Variants in EYA4 observed in about 807,000 individuals in gnomAD.
The protein encoded by EYA4 is EYA transcriptional coactivator and phosphatase 4, also known as protein phosphatase EYA4.
EYA4 carries 31 observed loss-of-function variants against 87.9 expected under a neutral mutation model. The ratio of observed to expected loss-of-function variants is 0.35; its 90% CI spans 0.27 to 0.48. EYA4 has a LOEUF of 0.48. EYA4 is among the 20% of genes least tolerant of loss of function. The pLI, the probability that EYA4 is intolerant of heterozygous loss-of-function variation, is 0.99. For synonymous variants in EYA4, 263 were observed against 270.6 expected, an observed-to-expected ratio of 0.97 and a Z score of 0.28; for missense variants, 678 against 761.4, an observed-to-expected ratio of 0.89 and a Z score of 1.29.
chr6:133,332,898 G>C (rs927941701), intron 2 of EYA4, among the ~76,000 whole-genome samples: 4 of 151,890 alleles, frequency 2.6e-5, no homozygotes, highest in Admixed American at 2.6e-4. Context: ...AGTCAGTTCA[G>C]TTTCTGCTGC....
At chr6:133,469,107 C>G (rs1284118366) in intron 11 of EYA4, among the ~76,000 whole-genome samples, 1 of 152,010 alleles carries the variant, frequency 6.6e-6, no homozygotes, top group African/African-American at 2.4e-5. Context: ...GTCAGTAGCT[C>G]TAGCCCGTGA....
At chr6:133,343,575 C>A (rs1241812346) in intron 2 of EYA4, among the ~76,000 whole-genome samples, 11 of 145,566 alleles carry the variant, frequency 7.6e-5, no homozygotes, top group Middle Eastern at 3.5e-3. Flanking sequence ...CCACCCCCCC[C>A]ACCCACCCCA....
chr6:133,383,825 T>G (rs2128483214), intron 3 of EYA4, among the ~76,000 whole-genome samples: 1 of 152,294 alleles, frequency 6.6e-6, no homozygotes, highest in South Asian at 2.1e-4. Context: ...AGGAAATGGA[T>G]GAACCACTAA....
chr6:133,398,222 A>G (rs2128508618), intron 3 of EYA4, among the ~76,000 whole-genome samples: 1 of 152,330 alleles, frequency 6.6e-6, no homozygotes, highest in Non-Finnish European at 1.5e-5. Flanking sequence ...CCTGGGAATG[A>G]CCAAACTGGT....
At chr6:133,297,323 G>T (rs1779018219) in intron 2 of EYA4, among the ~76,000 whole-genome samples, 1 of 152,266 alleles carries the variant, frequency 6.6e-6, no homozygotes, top group Non-Finnish European at 1.5e-5. Flanking sequence ...TTTAGGACTT[G>T]TTTGGCTTCA....
chr6:133,428,135 A>T (rs1790837572), intron 3 of EYA4, among the ~76,000 whole-genome samples: 1 of 152,202 alleles, frequency 6.6e-6, no homozygotes, highest in African/African-American at 2.4e-5. Flanking sequence ...GGTTGTGGAC[A>T]TATGAAGTTA....
chr6:133,470,043 C>T (rs1282603075), intron 11 of EYA4, among the ~76,000 whole-genome samples: 1 of 150,510 alleles, frequency 6.6e-6, no homozygotes, highest in Admixed American at 6.7e-5. Flanking sequence ...TGTAGGTTGC[C>T]TGTTCACTCT....
Position 133,523,114 on chromosome 6 carries a change from G to T in EYA4, c.1675G>T (p.Val559Phe). ...TTQLIPALAK[V>F]LLYSLGGAFP... ...TCAACTGATCCCAGCACTTGCGAAG[G>T]TTCTACTCTATAGTTTAGGAGGTGC... Residue 559 changes from valine (V) to phenylalanine (F), a missense_variant, in exon 18 of 20, where the codon GTT becomes TTT. Coordinates refer to ENST00000355286, the MANE Select transcript of EYA4 (RefSeq NM_004100.5). 1 of 1,612,252 alleles carries T rather than the reference G, an allele frequency of 6.2e-7. No homozygotes were observed. Among genetic ancestry groups the T allele is most frequent in the Non-Finnish European group, 8.5e-7 (1 of 1,178,558 alleles).
At chr6:133,412,174 A>G (rs991212940) in intron 3 of EYA4, among the ~76,000 whole-genome samples, 1 of 152,248 alleles carries the variant, frequency 6.6e-6, no homozygotes, top group Non-Finnish European at 1.5e-5. Context: ...ACCAGTTTAG[A>G]CAAAGATAAT....
chr6:133,336,015 CATGAATCCAAAATGAT>C (rs1052646037), intron 2 of EYA4, among the ~76,000 whole-genome samples: 1 of 152,056 alleles, frequency 6.6e-6, no homozygotes, highest in African/African-American at 2.4e-5. Flanking sequence ...AATTAAAATT[CATGAATCCAAAATGAT>C]GCTTGAGGAT....
intron 11 of EYA4, among the ~76,000 whole-genome samples, chr6:133,470,021 T>A (rs979614898): frequency 6.6e-6 from 1 of 151,024 alleles, no homozygotes; most frequent in East Asian, 2.0e-4. Flanking sequence ...TTGCAAAAAT[T>A]TTCTCCCATG....
chr6:133,419,902 C>T (rs765427280), intron 3 of EYA4, among the ~76,000 whole-genome samples: 76 of 152,250 alleles, frequency 5.0e-4, no homozygotes, highest in Non-Finnish European at 9.0e-4. Flanking sequence ...ATGAATAAGA[C>T]GCCCCACATT....
intron 2 of EYA4, among the ~76,000 whole-genome samples, chr6:133,330,047 G>A (rs745669761): frequency 6.6e-6 from 1 of 151,918 alleles, no homozygotes; most frequent in Non-Finnish European, 1.5e-5. Context: ...CAGGAGAGCA[G>A]GAGAGAAAAA....
intron 2 of EYA4, among the ~76,000 whole-genome samples, chr6:133,283,570 A>G (rs1371362752): frequency 1.3e-5 from 2 of 152,158 alleles, no homozygotes; most frequent in East Asian, 3.9e-4. Flanking sequence ...TCTGAAGAAG[A>G]GTACACTGAA....
intron 5 of EYA4, 56 bp from the exon 6 acceptor site, chr6:133,456,500 G>A: frequency 8.4e-7 from 1 of 1,187,990 alleles, no homozygotes; most frequent in Non-Finnish European, 1.3e-6. Flanking sequence ...AGAACGGACA[G>A]AGTCTTTGAC....
intron 14 of EYA4, among the ~76,000 whole-genome samples, chr6:133,509,013 T>C (rs1562500985): frequency 6.6e-6 from 1 of 152,188 alleles, no homozygotes; most frequent in Non-Finnish European, 1.5e-5. Context: ...TGCAGATAAA[T>C]TGAACTCTCA....
intron 14 of EYA4, chr6:133,511,654 T>C (rs1799145942): frequency 1.3e-5 from 2 of 152,060 alleles, no homozygotes. Context: ...TACCATTTGT[T>C]CTGAGCACAC....
At chr6:133,309,080 A>T (rs1780023427) in intron 2 of EYA4, among the ~76,000 whole-genome samples, 1 of 152,128 alleles carries the variant, frequency 6.6e-6, no homozygotes, top group African/African-American at 2.4e-5. Flanking sequence ...ATAGCAAAAA[A>T]TATAACAAAC....
In EYA4 at chr6:133,455,881, A is replaced by T. The variant is rs573274524; in HGVS notation, c.278-675A>T. ...TAGGCCACTTTGTTACCAAGCAAAG[A>T]TTTTGCCAAAATACACCATTACCAC... is the stretch of plus-strand genomic sequence containing the variant. On this transcript the variant is annotated intron_variant, in intron 5 of 19. Coordinates refer to ENST00000355286, the MANE Select transcript of EYA4 (RefSeq NM_004100.5). 5.3e-5 allele frequency among the ~76,000 whole-genome samples: 8 copies of T among 152,284 alleles called. No homozygotes were observed. In the South Asian group the frequency reaches 1.4e-3, roughly 28 times the overall value.
Sources: allele counts gnomAD v4.1 joint callset (sites outside exome capture counted in the v4.1 genomes callset), GRCh38; gene constraint gnomAD v4.1.1; transcripts MANE v1.5; gene names NCBI Gene and HGNC (gene_info 2026-07-23, HGNC 2026-07-21).